SIGLEC12: variants seen among roughly 807,000 people sequenced by gnomAD.
SIGLEC12 encodes the protein sialic acid binding Ig like lectin 12, also known as sialic acid-binding Ig-like lectin 12.
SIGLEC12 carries 43 observed loss-of-function variants against 54.1 expected under a neutral mutation model. The observed-to-expected ratio is 0.80, with a 90% CI of 0.62 to 1.03. The LOEUF (loss-of-function observed/expected upper bound fraction) is 1.03, where lower values mean the gene tolerates loss of function less well. Ranked by LOEUF, SIGLEC12 falls within the 50% of genes least tolerant of loss-of-function variation. SIGLEC12 has a pLI of 0.00. For synonymous variants in SIGLEC12, 357 were observed against 307.6 expected, an observed-to-expected ratio of 1.16 and a Z score of -1.68; for missense variants, 802 against 735.2, an observed-to-expected ratio of 1.09 and a Z score of -1.05.
intron 5 of SIGLEC12, 92 bp from the exon 6 acceptor site, chr19:51,497,537 C>T: frequency 1.2e-6 from 1 of 855,088 alleles, no homozygotes; most frequent in Non-Finnish European, 1.9e-6. Context: ...ACTTGGGTAC[C>T]CCAGTCCCGC....
chr19:51,495,313 G>GTGGA (rs61412717), intron 7 of SIGLEC12, among the ~76,000 whole-genome samples: 19,024 of 60,502 alleles, frequency 0.31, 5,501 homozygotes, highest in South Asian at 0.48. Flanking sequence ...GGACGGGTGG[G>GTGGA]TGGATGGATG....
At chr19:51,494,898 AG>A (rs1403863390) in intron 7 of SIGLEC12, among the ~76,000 whole-genome samples, 1 of 152,218 alleles carries the variant, frequency 6.6e-6, no homozygotes, top group Non-Finnish European at 1.5e-5. Context: ...CACTTATATG[AG>A]GTATCTAGAA....
intron 1 of SIGLEC12, chr19:51,500,507 A>G (rs1990367719): frequency 1.0e-5 from 8 of 793,490 alleles, no homozygotes; most frequent in Non-Finnish European, 1.6e-5. Flanking sequence ...AGAAACTGCA[A>G]ACCCACATGC....
intron 7 of SIGLEC12, among the ~76,000 whole-genome samples, chr19:51,495,395 G>A (rs1599951556): frequency 9.1e-6 from 1 of 110,348 alleles, no homozygotes; most frequent in Admixed American, 8.7e-5. Flanking sequence ...ATGGATGGAT[G>A]GATGGGTGGG....
At chr19:51,499,271 C>A (rs555586981) in intron 3 of SIGLEC12, 54 bp from the exon 4 acceptor site, 4 of 1,598,996 alleles carry the variant, frequency 2.5e-6, no homozygotes, top group Non-Finnish European at 1.7e-6. Flanking sequence ...GGACACTGAC[C>A]CTGTCTCCCC....
Position 51,496,887 on chromosome 19 carries a change from G to C in SIGLEC12, c.1592C>G (p.Ala531Gly), listed in dbSNP as rs780093387. ...GATTCAATGCTCACTCACCTGAGAG[G>C]CTGAGCCCCTGACAGCGTTTGCGTC... ...MEDANAVRGSASQGPLIESPA... is the reference protein window; with the variant it reads ...MEDANAVRGSGSQGPLIESPA... The change falls in exon 7 of 8, where the codon GCC becomes GGC. Residue 531 changes from alanine (A) to glycine (G), a missense_variant. Physicochemically the swap from Ala to Gly is moderately conservative, Grantham distance 60. Transcript: ENST00000291707. 2 of 1,613,960 alleles carry C rather than the reference G, an allele frequency of 1.2e-6. No individual in the cohort carries two copies. The highest frequency in any genetic ancestry group is 1.1e-5 in the South Asian group (1 of 91,084).
In SIGLEC12 at chr19:51,496,979, G is replaced by A; in HGVS notation, c.1503-3C>T. ...ATTTCTTCCTGCAGGACCTCACTCT[G>A]AGTGAAGAGACCAGAGAGCCTTTCA... is the stretch of plus-strand genomic sequence containing the variant. On this transcript the variant is annotated splice_polypyrimidine_tract_variant and splice_region_variant and intron_variant, in intron 6 of 7. Coordinates refer to ENST00000291707, the MANE Select transcript of SIGLEC12 (RefSeq NM_053003.4). The A allele has an allele frequency of 6.2e-7, 1 of 1,613,038 alleles. No individual in the cohort carries two copies. The highest frequency in any genetic ancestry group is 1.1e-5 in the South Asian group (1 of 91,024).
At chr19:51,497,080 T>C (rs1990261541) in intron 6 of SIGLEC12, 104 bp from the exon 7 acceptor site, 4 of 1,574,800 alleles carry the variant, frequency 2.5e-6, no homozygotes, top group Non-Finnish European at 3.5e-6. Flanking sequence ...GAGGGGTAAC[T>C]GAGGCGGGAG....
intron 1 of SIGLEC12, 135 bp from the exon 2 acceptor site, chr19:51,500,435 G>A: frequency 6.5e-7 from 1 of 1,528,872 alleles, no homozygotes; most frequent in Non-Finnish European, 8.9e-7. Context: ...GAGAGGAGGG[G>A]CAGGGCTGTG....
intron 7 of SIGLEC12, among the ~76,000 whole-genome samples, chr19:51,492,767 C>T (rs969499770): frequency 2.0e-4 from 30 of 152,186 alleles, no homozygotes; most frequent in African/African-American, 7.2e-4. Context: ...TGAGAAAGCG[C>T]ATCCTCCCCT....
chr19:51,501,141 A>G (rs917822654), intron 1 of SIGLEC12, among the ~76,000 whole-genome samples, 166 bp downstream of exon 1: 1 of 152,074 alleles, frequency 6.6e-6, no homozygotes, highest in Non-Finnish European at 1.5e-5. Context: ...TTGCAGGATC[A>G]GGAGGGGCAT....
chr19:51,499,655 G>A lies in SIGLEC12; in HGVS notation c.870C>T (p.Asn290=). The change falls in exon 3 of 8, where the codon AAC becomes AAT. Residue 290 remains asparagine (N), a synonymous_variant. Coordinates refer to ENST00000291707, the MANE Select transcript of SIGLEC12 (RefSeq NM_053003.4). ...PGTLESGHPR[N]LTCSVPWACE... is the part of the protein sequence containing the mutation. ...AGGCCCAGGGCACAGAGCAGGTCAG[G>A]TTCCTGGGGTGGCCAGACTCCAGGG... is the stretch of plus-strand genomic sequence containing the variant. 1 of 1,614,108 alleles carries A rather than the reference G, an allele frequency of 6.2e-7. No homozygotes were observed. The highest frequency in any genetic ancestry group is 8.5e-7 in the Non-Finnish European group (1 of 1,179,996).
intron 7 of SIGLEC12, among the ~76,000 whole-genome samples, chr19:51,494,672 C>T (rs182279971): frequency 1.6e-4 from 24 of 152,272 alleles, no homozygotes; most frequent in East Asian, 7.7e-4. Flanking sequence ...CCCATGCTCA[C>T]GGCAGCATTA....
Position 51,491,622 on chromosome 19 carries a change from C to A in SIGLEC12, c.*19G>T, listed in dbSNP as rs762850612. ...CAGGGGTCGTGAGCCCTCAAACAGGCCTGAGTCTCTGCAGTTTCTCACTTG... is the reference window on the plus strand; with the variant it reads ...CAGGGGTCGTGAGCCCTCAAACAGGACTGAGTCTCTGCAGTTTCTCACTTG... On this transcript the variant is annotated 3_prime_UTR_variant, in exon 8 of 8. Coordinates refer to ENST00000291707, the MANE Select transcript of SIGLEC12 (RefSeq NM_053003.4). 6.2e-7 allele frequency: 1 copy of A among 1,613,400 alleles called. No individual in the cohort carries two copies. Among genetic ancestry groups the A allele is most frequent in the South Asian group, 1.1e-5 (1 of 91,048 alleles).
In SIGLEC12 at chr19:51,495,246, T is replaced by C. The variant is rs372760272; in HGVS notation, c.1599+1634A>G. Among the ~76,000 whole-genome samples the C allele has an allele frequency of 9.5e-4, 83 of 87,816 alleles. 3 individuals carry two copies. The highest frequency in any genetic ancestry group is 9.8e-3 in the Middle Eastern group (1 of 102). 57.6% of individuals were successfully genotyped at this position (87,816 alleles called of 152,430 possible). ...ATGGATGGATGGATGGATGGATGGA[T>C]GGACGGGTGGGTGGGTGGATGGATG... On this transcript the variant is annotated intron_variant, in intron 7 of 7. Transcript: ENST00000291707.
At position 51,497,449 on chromosome 19, in the gene SIGLEC12, A is replaced by G; in HGVS notation, c.1406-4T>C. ...CCTGATATAGGCCTCATTTTGCCTG[A>G]GGATGGATTGGAGTTGTTTTGGGGT... is the stretch of plus-strand genomic sequence containing the variant. On this transcript the variant is annotated splice_polypyrimidine_tract_variant and splice_region_variant and intron_variant, in intron 5 of 7. Coordinates refer to ENST00000291707, the MANE Select transcript of SIGLEC12 (RefSeq NM_053003.4). 1 of 1,607,622 alleles carries G rather than the reference A, an allele frequency of 6.2e-7. No individual in the cohort carries two copies. The highest frequency in any genetic ancestry group is 1.1e-5 in the South Asian group (1 of 90,880).
chr19:51,496,735 A>T, intron 7 of SIGLEC12, 145 bp downstream of exon 7: 1 of 826,508 alleles, frequency 1.2e-6, no homozygotes, highest in South Asian at 1.6e-5. Context: ...AGGGCAATGA[A>T]AGCTGTTCTT....
Position 51,500,312 on chromosome 19 carries a change from C to T in SIGLEC12, c.428-12G>A, listed in dbSNP as rs542113322. 1.7e-5 allele frequency: 27 copies of T among 1,614,084 alleles called. No individual in the cohort carries two copies. Among genetic ancestry groups the T allele is most frequent in the South Asian group, 7.7e-5 (7 of 91,084 alleles). On this transcript the variant is annotated splice_polypyrimidine_tract_variant and intron_variant, in intron 1 of 7. Transcript: ENST00000291707. ...TAGGTCCTGGGACGCTGTGGAGAAACGAGGGTCAGCCCAGCCCCCACTGTC... is the reference window on the plus strand; with the variant it reads ...TAGGTCCTGGGACGCTGTGGAGAAATGAGGGTCAGCCCAGCCCCCACTGTC...
rs778384204 is a variant in SIGLEC12, at chr19:51,497,411, C to T, written c.1440G>A (p.Gly480=). Residue 480 remains glycine, a synonymous_variant, in exon 6 of 8, where the codon GGG becomes GGA. Coordinates refer to ENST00000291707, the MANE Select transcript of SIGLEC12 (RefSeq NM_053003.4). The stretch of plus-strand genomic sequence containing the variant: ...CTGTGGCTCCAGCTCCCCCGAATGC[C>T]CCTAGCGTCACTCCTGATATAGGCC... The part of the protein sequence containing the change: ...KMRPISGVTL[G]AFGGAGATAL... 1.9e-6 allele frequency: 3 copies of T among 1,613,112 alleles called. No homozygotes were observed.
Sources: allele counts gnomAD v4.1 joint callset (sites outside exome capture counted in the v4.1 genomes callset), GRCh38; gene constraint gnomAD v4.1.1; transcripts MANE v1.5; gene names NCBI Gene and HGNC (gene_info 2026-07-23, HGNC 2026-07-21).